Variants in RAB38 observed in about 807,000 individuals in gnomAD.
RAB38 encodes the protein RAB38, member RAS oncogene family.
Under a neutral mutation model 18.4 loss-of-function variants are expected in RAB38, and 15 were observed. The ratio of observed to expected loss-of-function variants is 0.82; its 90% CI spans 0.55 to 1.26. RAB38 has a LOEUF of 1.26. Ranked by LOEUF, RAB38 falls within the 50% of genes most tolerant of loss-of-function variation. The probability of loss-of-function intolerance (pLI) is 0.00; values close to 1 mark genes in which losing one functional copy is unlikely to be tolerated. For missense variants in RAB38, 294 were observed against 267.4 expected (o/e 1.10, Z -0.69); for synonymous variants, 101 against 104.4 (o/e 0.97, Z 0.20).
the RAB38 span, among the ~76,000 whole-genome samples, chr11:87,933,028 C>A: frequency 6.6e-6 from 1 of 152,054 alleles, no homozygotes; most frequent in Non-Finnish European, 1.5e-5. Flanking sequence ...GACAACAGCA[C>A]CATCTGTTAT....
At chr11:87,927,453 A>G in the RAB38 span, among the ~76,000 whole-genome samples, 1 of 151,984 alleles carries the variant, frequency 6.6e-6, no homozygotes, top group Admixed American at 6.6e-5. Flanking sequence ...TCCTGAACAG[A>G]GTTCTCTAAA....
At chr11:88,127,088 T>G (rs1942707090) in intron 2 of RAB38, among the ~76,000 whole-genome samples, 1 of 152,196 alleles carries the variant, frequency 6.6e-6, no homozygotes, top group African/African-American at 2.4e-5. Context: ...GCTAAATGAT[T>G]TTAGATGTTA....
the RAB38 span, among the ~76,000 whole-genome samples, chr11:88,097,694 A>C: frequency 6.6e-6 from 1 of 151,852 alleles, no homozygotes; most frequent in Non-Finnish European, 1.5e-5. Flanking sequence ...TTACATTTTC[A>C]TACTCAACCT....
the RAB38 span, among the ~76,000 whole-genome samples, chr11:88,098,980 C>CT: frequency 6.6e-6 from 1 of 151,898 alleles, no homozygotes; most frequent in East Asian, 1.9e-4. Flanking sequence ...AAAGCAGATT[C>CT]TTTTTATAAA....
At chr11:87,958,581 C>G in the RAB38 span, among the ~76,000 whole-genome samples, 640 of 152,164 alleles carry the variant, frequency 4.2e-3, 3 homozygotes, top group African/African-American at 0.014. Context: ...CTTCTAGTGT[C>G]TTTTGTGAGG....
At chr11:87,837,110 C>A in the RAB38 span, among the ~76,000 whole-genome samples, 1 of 152,122 alleles carries the variant, frequency 6.6e-6, no homozygotes, top group African/African-American at 2.4e-5. Context: ...GCCAAGTGAC[C>A]ACTGTGAGCA....
At chr11:87,976,103 T>C in the RAB38 span, among the ~76,000 whole-genome samples, 1 of 149,548 alleles carries the variant, frequency 6.7e-6, no homozygotes, top group African/African-American at 2.4e-5. Context: ...TATATGTACA[T>C]ATATGTGTGC....
At chr11:88,019,780 T>G in the RAB38 span, among the ~76,000 whole-genome samples, 1 of 152,188 alleles carries the variant, frequency 6.6e-6, no homozygotes, top group Non-Finnish European at 1.5e-5. Flanking sequence ...TTCACTTCAT[T>G]CAGTCTCTGC....
chr11:88,139,536 G>A (rs1374193968), intron 2 of RAB38, among the ~76,000 whole-genome samples: 1 of 152,160 alleles, frequency 6.6e-6, no homozygotes. Flanking sequence ...TCTATTATCA[G>A]TGCCCCAGTG....
chr11:87,870,537 C>A, the RAB38 span, among the ~76,000 whole-genome samples: 2 of 151,576 alleles, frequency 1.3e-5, no homozygotes, highest in South Asian at 4.1e-4. Flanking sequence ...TGGCCTTTGG[C>A]TTTTCTGGCC....
chr11:87,852,402 A>G, the RAB38 span, among the ~76,000 whole-genome samples: 2 of 152,138 alleles, frequency 1.3e-5, no homozygotes, highest in African/African-American at 4.8e-5. Flanking sequence ...CCGCTTCACA[A>G]CTGACTGTTG....
chr11:87,929,671 G>C, the RAB38 span, among the ~76,000 whole-genome samples: 13 of 150,946 alleles, frequency 8.6e-5, no homozygotes, highest in Non-Finnish European at 1.6e-4. Context: ...CCATTAAGTC[G>C]TCATTTAACA....
At chr11:87,854,311 T>C in the RAB38 span, among the ~76,000 whole-genome samples, 1 of 152,220 alleles carries the variant, frequency 6.6e-6, no homozygotes, top group African/African-American at 2.4e-5. Context: ...AAATGTGGTA[T>C]TCTATTAATA....
the RAB38 span, chr11:87,815,531 A>G: frequency 5.3e-5 from 8 of 152,292 alleles, no homozygotes; most frequent in East Asian, 1.5e-3. Context: ...AGATCCGTGA[A>G]GGATTGTTAG....
chr11:87,888,814 T>C, the RAB38 span, among the ~76,000 whole-genome samples: 1 of 151,882 alleles, frequency 6.6e-6, no homozygotes, highest in African/African-American at 2.4e-5. Context: ...CGTAGCCCAA[T>C]GGATTGGTTG....
At chr11:87,824,279 C>G in the RAB38 span, among the ~76,000 whole-genome samples, 1 of 152,158 alleles carries the variant, frequency 6.6e-6, no homozygotes, top group Admixed American at 6.6e-5. Flanking sequence ...AAAATATCTA[C>G]AGATGCTAAT....
At chr11:88,014,343 G>C in the RAB38 span, among the ~76,000 whole-genome samples, 1 of 152,120 alleles carries the variant, frequency 6.6e-6, no homozygotes, top group Non-Finnish European at 1.5e-5. Flanking sequence ...ACCCATCATA[G>C]TGTCCCTTAT....
chr11:87,820,354 A>G, the RAB38 span, among the ~76,000 whole-genome samples: 2 of 152,198 alleles, frequency 1.3e-5, no homozygotes, highest in Non-Finnish European at 2.9e-5. Flanking sequence ...AAACCAATAA[A>G]ATCTTTCTTA....
At chr11:87,936,984 A>G in the RAB38 span, among the ~76,000 whole-genome samples, 2 of 151,956 alleles carry the variant, frequency 1.3e-5, no homozygotes, top group East Asian at 3.9e-4. Flanking sequence ...CCTTACTACA[A>G]TGGCGAGAAC....
Sources: gnomAD v4.1 joint callset for allele counts (sites outside exome capture counted in the v4.1 genomes callset) on GRCh38, gnomAD v4.1.1 for gene constraint, MANE v1.5 for transcripts, NCBI Gene and HGNC (gene_info 2026-07-23, HGNC 2026-07-21) for gene names.